SUV39H2: variants seen among roughly 807,000 people sequenced by gnomAD.
The protein encoded by SUV39H2 is SUV39H2 histone lysine methyltransferase.
Under a neutral mutation model 47.5 loss-of-function variants are expected in SUV39H2, and 10 were observed. The ratio of observed to expected loss-of-function variants is 0.21; its 90% CI spans 0.13 to 0.36. The LOEUF is 0.36. SUV39H2 is among the 10% of genes least tolerant of loss of function. The pLI, the probability that SUV39H2 is intolerant of heterozygous loss-of-function variation, is 1.00. For missense variants in SUV39H2, 266 were observed against 487.4 expected (o/e 0.55, Z 4.28); for synonymous variants, 159 against 166.8 (o/e 0.95, Z 0.36).
chr10:14,883,692 G>A (rs537900230), intron 2 of SUV39H2, among the ~76,000 whole-genome samples: 13 of 113,290 alleles, frequency 1.1e-4, no homozygotes, highest in South Asian at 2.9e-4. Flanking sequence ...GCAACAGAGC[G>A]AGACTCAGTC....
chr10:14,881,691 A>G, intron 2 of SUV39H2, 46 bp downstream of exon 2: 1 of 1,338,404 alleles, frequency 7.5e-7, no homozygotes, highest in Non-Finnish European at 9.7e-7. Flanking sequence ...ATCAGACTTC[A>G]GTATTTCGTA....
intron 1 of SUV39H2, among the ~76,000 whole-genome samples, chr10:14,880,779 TA>T (rs1307737594): frequency 1.3e-5 from 2 of 152,214 alleles, no homozygotes; most frequent in African/African-American, 4.8e-5. Flanking sequence ...ATGGCTTATG[TA>T]AATTGAACAC....
chr10:14,885,430 C>T (rs981330878), intron 2 of SUV39H2, among the ~76,000 whole-genome samples: 2 of 152,140 alleles, frequency 1.3e-5, no homozygotes, highest in Non-Finnish European at 2.9e-5. Flanking sequence ...ATCTCTATCT[C>T]TCTGTCCTTT....
intron 1 of SUV39H2, among the ~76,000 whole-genome samples, chr10:14,880,525 CA>C (rs1833011447): frequency 6.6e-6 from 1 of 152,210 alleles, no homozygotes; most frequent in Non-Finnish European, 1.5e-5. Flanking sequence ...ACTAAAGTCA[CA>C]TAGCTCGGTG....
At position 14,901,829 on chromosome 10, in the gene SUV39H2, A is replaced by G. The variant is rs191663421; in HGVS notation, c.1126+567A>G. ...GCCTGGACGACAGAGACCCTGTCTG[A>G]AAAAAAAAACTATAAGCCTACATTT... On this transcript the variant is annotated intron_variant, in intron 5 of 5. Coordinates refer to ENST00000354919, the MANE Select transcript of SUV39H2 (RefSeq NM_001193424.2). 3.0e-4 allele frequency among the ~76,000 whole-genome samples: 45 copies of G among 148,424 alleles called. No individual in the cohort carries two copies. The East Asian group carries it at 8.6e-3, about 28-fold the overall frequency.
At chr10:14,899,839 A>G (rs1765109361) in intron 4 of SUV39H2, among the ~76,000 whole-genome samples, 154 bp downstream of exon 4, 1 of 152,238 alleles carries the variant, frequency 6.6e-6, no homozygotes. Context: ...AAGTTATGGT[A>G]TTATTGCTGT....
chr10:14,883,379 A>G lies in SUV39H2; in HGVS notation c.177+1734A>G, dbSNP rs1000216570. Among the ~76,000 whole-genome samples, 5 of 152,164 alleles carry G rather than the reference A, an allele frequency of 3.3e-5. No homozygotes were observed. In the South Asian group the frequency reaches 6.2e-4, roughly 19 times the overall value. On this transcript the variant is annotated intron_variant, in intron 2 of 5. Coordinates refer to ENST00000354919, the MANE Select transcript of SUV39H2 (RefSeq NM_001193424.2). ...TTTGTTGAGATATAATTCACATGCT[A>G]TCATACAGCTCACCTATTTAAAGTG...
Position 14,903,676 on chromosome 10 carries a change from G to A in SUV39H2, c.*1164G>A, listed in dbSNP as rs1188226667. 2 of 152,158 alleles carry A rather than the reference G, an allele frequency of 1.3e-5. No individual in the cohort carries two copies. Among genetic ancestry groups the A allele is most frequent in the African/African-American group, 2.4e-5 (1 of 41,436 alleles). 9.4% of individuals were successfully genotyped at this position (152,158 alleles called of 1,614,324 possible). A position where few individuals can be genotyped will look rare whatever the true frequency, so the allele number is the denominator to read the frequency against. On this transcript the variant is annotated 3_prime_UTR_variant, in exon 6 of 6. Transcript: ENST00000354919. ...ATATTAGTTTTCAAGGGAGTGGGAG[G>A]CTTCCAACATAGTATTGAATCTCAG...
chr10:14,889,761 A>G (rs115872471), intron 2 of SUV39H2, among the ~76,000 whole-genome samples: 1,831 of 152,336 alleles, frequency 0.012, 33 homozygotes, highest in African/African-American at 0.041. Context: ...CTGTGGGGGC[A>G]GGAAAAAGGG....
chr10:14,879,000 G>T (rs1439140921), intron 1 of SUV39H2, 81 bp downstream of exon 1: 1 of 1,330,612 alleles, frequency 7.5e-7, no homozygotes, highest in African/African-American at 1.5e-5. Context: ...CGTCCCGCGG[G>T]CCAGCCAGAT....
Position 14,901,173 on chromosome 10 carries a change from A to C in SUV39H2, c.1037A>C (p.Asn346Thr). 6.2e-7 allele frequency: 1 copy of C among 1,613,920 alleles called. No homozygotes were observed. The highest frequency in any genetic ancestry group is 1.1e-5 in the South Asian group (1 of 91,066). ...NLQVFNVFID[N>T]LDTRLPRIAL... Reference sequence around the variant, plus strand: ...CAGGTGTTCAATGTTTTCATTGATAACCTCGATACTCGTCTTCCCCGAATA... The same window carrying C: ...CAGGTGTTCAATGTTTTCATTGATACCCTCGATACTCGTCTTCCCCGAATA... Residue 346 changes from asparagine (N) to threonine (T), a missense_variant, in exon 5 of 6, where the codon AAC becomes ACC. Coordinates refer to ENST00000354919, the MANE Select transcript of SUV39H2 (RefSeq NM_001193424.2).
In SUV39H2 at chr10:14,903,448, G is replaced by A. The variant is rs1355104873; in HGVS notation, c.*936G>A. 2 of 152,132 alleles carry A rather than the reference G, an allele frequency of 1.3e-5. No individual in the cohort carries two copies. Among genetic ancestry groups the A allele is most frequent in the Non-Finnish European group, 2.9e-5 (2 of 68,016 alleles). 9.4% of individuals were successfully genotyped at this position (152,132 alleles called of 1,614,324 possible). On this transcript the variant is annotated 3_prime_UTR_variant, in exon 6 of 6. Transcript: ENST00000354919. ...TAACATTACAGCCTCTCAATTTCAG[G>A]CAGGTGTAACAGTTCCTTTCCACCA... is the stretch of plus-strand genomic sequence containing the variant.
In SUV39H2 at chr10:14,902,713, A is replaced by G; in HGVS notation, c.*201A>G. 3 of 406,096 alleles carry G rather than the reference A, an allele frequency of 7.4e-6. No individual in the cohort carries two copies. Among genetic ancestry groups the G allele is most frequent in the Non-Finnish European group, 9.0e-6 (2 of 223,044 alleles). 25.2% of individuals were successfully genotyped at this position (406,096 alleles called of 1,614,324 possible). A position where few individuals can be genotyped will look rare whatever the true frequency, so the allele number is the denominator to read the frequency against. On this transcript the variant is annotated 3_prime_UTR_variant, in exon 6 of 6. Coordinates refer to ENST00000354919, the MANE Select transcript of SUV39H2 (RefSeq NM_001193424.2). ...TCTCATAGACTGATATGAAGTCGACATATTTATAGTGCTTAGAGACCAAAC... is the reference window on the plus strand; with the variant it reads ...TCTCATAGACTGATATGAAGTCGACGTATTTATAGTGCTTAGAGACCAAAC...
intron 2 of SUV39H2, among the ~76,000 whole-genome samples, chr10:14,888,746 A>G (rs1316175680): frequency 7.9e-5 from 12 of 152,138 alleles, no homozygotes. Flanking sequence ...AATCCACTGT[A>G]TTTAGTAATG....
rs1834180006 is a variant in SUV39H2, at chr10:14,903,874, C to G, written c.*1362C>G. ...TTGAACCAACTTCAAGAATGCAGCA[C>G]TTCTTAATCTTTAGCTCTTTCTTGG... is the stretch of plus-strand genomic sequence containing the variant. On this transcript the variant is annotated 3_prime_UTR_variant, in exon 6 of 6. Coordinates refer to ENST00000354919, the MANE Select transcript of SUV39H2 (RefSeq NM_001193424.2). 1 of 152,166 alleles carries G rather than the reference C, an allele frequency of 6.6e-6. No homozygotes were observed. The highest frequency in any genetic ancestry group is 2.4e-5 in the African/African-American group (1 of 41,440). The allele number at this position is 152,166 out of a possible 1,614,324, so 9.4% of individuals were successfully genotyped here. A position where few individuals can be genotyped will look rare whatever the true frequency, so the allele number is the denominator to read the frequency against.
intron 2 of SUV39H2, among the ~76,000 whole-genome samples, chr10:14,893,846 G>C (rs1304299971): frequency 1.3e-5 from 2 of 152,100 alleles, no homozygotes; most frequent in African/African-American, 4.8e-5. Context: ...TAATTATTTG[G>C]GAAATAACTT....
intron 2 of SUV39H2, among the ~76,000 whole-genome samples, chr10:14,883,885 G>C (rs999656033): frequency 1.3e-5 from 2 of 152,078 alleles, no homozygotes; most frequent in Non-Finnish European, 2.9e-5. Context: ...CACTACATCT[G>C]TCTGTCCATT....
At chr10:14,899,761 T>A in intron 4 of SUV39H2, 76 bp downstream of exon 4, 1 of 1,521,166 alleles carries the variant, frequency 6.6e-7, no homozygotes, top group Non-Finnish European at 8.9e-7. Context: ...AAAGAATAAT[T>A]CCCTTTAAAC....
At chr10:14,879,596 G>C (rs951011844) in intron 1 of SUV39H2, among the ~76,000 whole-genome samples, 1 of 152,030 alleles carries the variant, frequency 6.6e-6, no homozygotes, top group Non-Finnish European at 1.5e-5. Flanking sequence ...ATTGGGCACC[G>C]GGGAACTGGG....
Sources: gnomAD v4.1 joint callset for allele counts (sites outside exome capture counted in the v4.1 genomes callset) on GRCh38, gnomAD v4.1.1 for gene constraint, MANE v1.5 for transcripts, NCBI Gene and HGNC (gene_info 2026-07-23, HGNC 2026-07-21) for gene names.